RBMS3: variants seen among roughly 807,000 people sequenced by gnomAD.
RBMS3 encodes RNA binding motif single stranded interacting protein 3, also known as RNA-binding motif, single-stranded-interacting protein 3.
A neutral mutation model predicts 66.8 loss-of-function variants in RBMS3; 27 were observed. That is an observed-to-expected ratio of 0.40 (90% CI 0.30 to 0.56). The LOEUF (loss-of-function observed/expected upper bound fraction) is 0.56, where lower values mean the gene tolerates loss of function less well. Among genes scored for constraint, RBMS3 ranks in the 20% least tolerant of loss-of-function variants. RBMS3 has a pLI of 0.40. For synonymous variants in RBMS3, 188 were observed against 183.0 expected (o/e 1.03, Z -0.22); for missense variants, 513 against 549.5 (o/e 0.93, Z 0.66).
At chr3:29,475,958 A>AT (rs1238805670) in intron 2 of RBMS3, among the ~76,000 whole-genome samples, 1 of 152,112 alleles carries the variant, frequency 6.6e-6, no homozygotes, top group Non-Finnish European at 1.5e-5. Flanking sequence ...TTTTTCTTGC[A>AT]TTTTTCCTTC....
In RBMS3 at chr3:29,625,700, GTAAA is replaced by G. The variant is rs35124957; in HGVS notation, c.399+38532_399+38535del. Among the ~76,000 whole-genome samples, 847 of 139,984 alleles carry G rather than the reference GTAAA, an allele frequency of 6.1e-3. 12 individuals carry two copies. Among genetic ancestry groups the G allele is most frequent in the Middle Eastern group, 7.1e-3 (2 of 280 alleles). 91.8% of individuals were successfully genotyped at this position (139,984 alleles called of 152,430 possible). ...GCAAAAAGAGTGAAACGCCATTAAA[GTAAA>G]TAAATAAATAAATAAATAAATAAAT... On this transcript the variant is annotated intron_variant, in intron 4 of 14. Coordinates refer to ENST00000383767, the MANE Select transcript of RBMS3 (RefSeq NM_001003793.3).
At chr3:29,721,823 T>G (rs78338339) in intron 4 of RBMS3, among the ~76,000 whole-genome samples, 6 of 152,170 alleles carry the variant, frequency 3.9e-5, no homozygotes, top group Admixed American at 3.3e-4. Flanking sequence ...GGCTCTTCTT[T>G]TATTTACTAT....
At chr3:29,495,605 A>C (rs2148926513) in intron 3 of RBMS3, among the ~76,000 whole-genome samples, 1 of 151,230 alleles carries the variant, frequency 6.6e-6, no homozygotes, top group Non-Finnish European at 1.5e-5. Context: ...TTTTTATTAG[A>C]GACAAGGTTT....
At chr3:29,434,966 G>T in intron 2 of RBMS3, 51 bp downstream of exon 2, 1 of 1,549,166 alleles carries the variant, frequency 6.5e-7, no homozygotes, top group Non-Finnish European at 8.8e-7. Context: ...TACTTGCCTT[G>T]GTGGGCAGGA....
At chr3:29,778,221 G>T (rs2056492121) in intron 6 of RBMS3, among the ~76,000 whole-genome samples, 1 of 151,698 alleles carries the variant, frequency 6.6e-6, no homozygotes, top group African/African-American at 2.4e-5. Context: ...TTCTTTCTTT[G>T]AATTTCATTT....
At chr3:29,684,779 T>TAC (rs10570309) in intron 4 of RBMS3, among the ~76,000 whole-genome samples, 4,578 of 145,722 alleles carry the variant, frequency 0.031, 64 homozygotes, top group South Asian at 0.046. Flanking sequence ...GTTTGTTATG[T>TAC]ACACACACAC....
chr3:29,478,794 C>T (rs1257803370), intron 2 of RBMS3, among the ~76,000 whole-genome samples: 2 of 152,190 alleles, frequency 1.3e-5, no homozygotes, highest in Admixed American at 1.3e-4. Flanking sequence ...GTTGGATACA[C>T]AGTTGTACTA....
chr3:29,572,206 C>T (rs374441548), intron 3 of RBMS3, among the ~76,000 whole-genome samples: 16 of 152,052 alleles, frequency 1.1e-4, no homozygotes, highest in East Asian at 7.8e-4. Flanking sequence ...AATATGAGAT[C>T]GTATCATCTG....
chr3:29,405,491 G>A (rs4680829), intron 1 of RBMS3, among the ~76,000 whole-genome samples: 1 of 152,038 alleles, frequency 6.6e-6, no homozygotes, highest in Non-Finnish European at 1.5e-5. Context: ...GCAAATCAGG[G>A]TACATTATTT....
chr3:29,453,794 C>T (rs2042088389), intron 2 of RBMS3, among the ~76,000 whole-genome samples: 1 of 152,226 alleles, frequency 6.6e-6, no homozygotes, highest in African/African-American at 2.4e-5. Context: ...TGCTGGCATT[C>T]CACGCTAGCC....
chr3:29,511,873 T>C (rs1435464905), intron 3 of RBMS3, among the ~76,000 whole-genome samples: 2 of 152,154 alleles, frequency 1.3e-5, no homozygotes, highest in Admixed American at 1.3e-4. Context: ...TTTCTGTTCA[T>C]ATTCAGAGCC....
intron 6 of RBMS3, chr3:29,767,324 A>G (rs924491587): frequency 1.3e-5 from 2 of 151,980 alleles, no homozygotes; most frequent in African/African-American, 4.8e-5. Flanking sequence ...TCCTGTAAGC[A>G]CGTGCTCCTA....
At chr3:29,736,747 A>G (rs1250263986) in intron 4 of RBMS3, among the ~76,000 whole-genome samples, 20 of 152,118 alleles carry the variant, frequency 1.3e-4, no homozygotes, top group African/African-American at 2.4e-5. Flanking sequence ...TCATTTCTCA[A>G]TTCTTCTTTA....
At chr3:29,675,547 C>T (rs1462793300) in intron 4 of RBMS3, among the ~76,000 whole-genome samples, 1 of 152,124 alleles carries the variant, frequency 6.6e-6, no homozygotes, top group Non-Finnish European at 1.5e-5. Flanking sequence ...GGGCTAATAT[C>T]CAGAATCTAC....
intron 1 of RBMS3, among the ~76,000 whole-genome samples, chr3:29,408,182 G>A (rs1283636687): frequency 6.8e-6 from 1 of 146,398 alleles, no homozygotes; most frequent in Non-Finnish European, 1.5e-5. Flanking sequence ...TGAGGCAGGA[G>A]AATGGTGTGA....
intron 1 of RBMS3, among the ~76,000 whole-genome samples, chr3:29,413,020 G>T (rs920033296): frequency 1.3e-5 from 2 of 152,208 alleles, no homozygotes; most frequent in African/African-American, 4.8e-5. Context: ...GCACTGAAAA[G>T]AGAAGATGGC....
At chr3:29,441,354 T>C (rs2041613434) in intron 2 of RBMS3, among the ~76,000 whole-genome samples, 1 of 152,214 alleles carries the variant, frequency 6.6e-6, no homozygotes, top group South Asian at 2.1e-4. Flanking sequence ...TAATTGTCAT[T>C]AATAATAGGT....
intron 1 of RBMS3, among the ~76,000 whole-genome samples, chr3:29,291,208 C>T (rs1423851644): frequency 6.6e-6 from 1 of 151,826 alleles, no homozygotes; most frequent in Non-Finnish European, 1.5e-5. Flanking sequence ...GGAGTTAATG[C>T]ATTTGTTTCC....
intron 4 of RBMS3, among the ~76,000 whole-genome samples, chr3:29,610,502 T>A (rs1359887371): frequency 6.6e-6 from 1 of 152,022 alleles, no homozygotes; most frequent in Non-Finnish European, 1.5e-5. Context: ...TTATCGCCCC[T>A]TCTTTGAGCC....
Sources: gnomAD v4.1 joint callset for allele counts (sites outside exome capture counted in the v4.1 genomes callset) on GRCh38, gnomAD v4.1.1 for gene constraint, MANE v1.5 for transcripts, NCBI Gene and HGNC (gene_info 2026-07-23, HGNC 2026-07-21) for gene names.